RASGEF1B: variants seen among roughly 807,000 people sequenced by gnomAD.
RASGEF1B encodes the protein ras-GEF domain-containing family member 1B.
Under a neutral mutation model 65.7 loss-of-function variants are expected in RASGEF1B, and 30 were observed. That is an observed-to-expected ratio of 0.46 (90% CI 0.34 to 0.62). RASGEF1B has a LOEUF of 0.62. RASGEF1B is among the 20% of genes least tolerant of loss of function. RASGEF1B has a pLI of 0.01. For synonymous variants in RASGEF1B, 175 were observed against 194.8 expected (o/e 0.90, Z 0.85); for missense variants, 495 against 580.1 (o/e 0.85, Z 1.51).
At chr4:81,440,587 A>T (rs1721799280) in intron 10 of RASGEF1B, among the ~76,000 whole-genome samples, 1 of 152,208 alleles carries the variant, frequency 6.6e-6, no homozygotes, top group Non-Finnish European at 1.5e-5. Flanking sequence ...ATTGCTTGAA[A>T]CACAATTAAG....
intron 1 of RASGEF1B, among the ~76,000 whole-genome samples, chr4:81,467,477 C>G (rs117660979): frequency 6.6e-6 from 1 of 152,170 alleles, no homozygotes; most frequent in South Asian, 2.1e-4. Flanking sequence ...TGTGTGGGAA[C>G]TGAACCCAGG....
chr4:81,466,188 T>C (rs1284116298), intron 1 of RASGEF1B, among the ~76,000 whole-genome samples: 1 of 152,192 alleles, frequency 6.6e-6, no homozygotes, highest in Non-Finnish European at 1.5e-5. Context: ...CCCATCTAGA[T>C]GCCAGAGAAA....
intron 13 of RASGEF1B, among the ~76,000 whole-genome samples, chr4:81,430,955 A>G (rs372598051): frequency 6.4e-4 from 97 of 152,324 alleles, no homozygotes; most frequent in South Asian, 4.6e-3. Context: ...ATCTACAAGA[A>G]AAGTAACAAA....
chr4:81,438,550 T>C (rs1163047390), intron 10 of RASGEF1B, among the ~76,000 whole-genome samples: 1 of 152,254 alleles, frequency 6.6e-6, no homozygotes, highest in Non-Finnish European at 1.5e-5. Context: ...TTTTTTTAAA[T>C]GGCTGTGATT....
At position 81,453,065 on chromosome 4, in the gene RASGEF1B, T is replaced by C. The variant is rs1722321265; in HGVS notation, c.438+3586A>G. On this transcript the variant is annotated intron_variant, in intron 4 of 13. Transcript: ENST00000264400. Reference sequence around the variant, plus strand: ...AAATCCCAACCCAGACCCATATTCCTTCCAATAGAGGGAAATAATTTTTCC... The same window carrying C: ...AAATCCCAACCCAGACCCATATTCCCTCCAATAGAGGGAAATAATTTTTCC... The C allele has an allele frequency of 2.0e-5, 3 of 152,046 alleles. No homozygotes were observed. The South Asian group carries it at 6.2e-4, about 32-fold the overall frequency. 9.4% of individuals were successfully genotyped at this position (152,046 alleles called of 1,614,324 possible).
At chr4:81,450,833 A>T (rs1578629388) in intron 4 of RASGEF1B, 2 of 152,344 alleles carry the variant, frequency 1.3e-5, no homozygotes, top group African/African-American at 4.8e-5. Context: ...ACAGCACTCC[A>T]GCCTGGGTAA....
At chr4:81,456,415 G>C in intron 4 of RASGEF1B, 1 of 635,046 alleles carries the variant, frequency 1.6e-6, no homozygotes, top group Admixed American at 2.7e-5. Flanking sequence ...TGCATGAGTT[G>C]ACATGAACAT....
intron 13 of RASGEF1B, among the ~76,000 whole-genome samples, chr4:81,431,686 T>C (rs1721432302): frequency 6.6e-6 from 1 of 152,354 alleles, no homozygotes; most frequent in Non-Finnish European, 1.5e-5. Context: ...AGGACTATAA[T>C]GATAACAAGT....
chr4:81,442,279 A>T lies in RASGEF1B; in HGVS notation c.1008+18T>A. 1 of 1,575,382 alleles carries T rather than the reference A, an allele frequency of 6.3e-7. No individual in the cohort carries two copies. Among genetic ancestry groups the T allele is most frequent in the Non-Finnish European group, 8.7e-7 (1 of 1,144,792 alleles). Reference sequence around the variant, plus strand: ...GGTGTAAAGTGTTACTTAACAGCAAAACATCAGCTTCACATACCTCAAGAA... The same window carrying T: ...GGTGTAAAGTGTTACTTAACAGCAATACATCAGCTTCACATACCTCAAGAA... On this transcript the variant is annotated intron_variant, in intron 9 of 13. Coordinates refer to ENST00000264400, the MANE Select transcript of RASGEF1B (RefSeq NM_152545.3).
Position 81,445,516 on chromosome 4 carries a change from A to G in RASGEF1B, c.928+10T>C. On this transcript the variant is annotated intron_variant, in intron 8 of 13. Transcript: ENST00000264400. ...AGATAAACGACATGTATCCTCCACA[A>G]AATACTCACAGATTATCGCCATCAA... 1 of 1,575,008 alleles carries G rather than the reference A, an allele frequency of 6.3e-7. No individual in the cohort carries two copies. The highest frequency in any genetic ancestry group is 8.7e-7 in the Non-Finnish European group (1 of 1,145,052).
chr4:81,451,740 GTTC>G (rs1437469398), intron 4 of RASGEF1B: 2 of 152,122 alleles, frequency 1.3e-5, no homozygotes, highest in Non-Finnish European at 2.9e-5. Flanking sequence ...GCACAAGAAA[GTTC>G]TTTTCACTTA....
chr4:81,441,956 G>A (rs1304390132), intron 9 of RASGEF1B, among the ~76,000 whole-genome samples: 2 of 152,172 alleles, frequency 1.3e-5, no homozygotes, highest in South Asian at 4.1e-4. Context: ...CCCTTCCCCT[G>A]AGACACTGAA....
chr4:81,459,864 C>T (rs918207955), intron 1 of RASGEF1B, among the ~76,000 whole-genome samples: 2 of 152,154 alleles, frequency 1.3e-5, no homozygotes, highest in East Asian at 1.9e-4. Flanking sequence ...ATTGCTTTAT[C>T]GCATGGAGTC....
chr4:81,436,693 G>A (rs1378868037), intron 10 of RASGEF1B, among the ~76,000 whole-genome samples: 1 of 152,086 alleles, frequency 6.6e-6, no homozygotes, highest in Non-Finnish European at 1.5e-5. Flanking sequence ...AGTTCCCTAA[G>A]CTTATGACTC....
At chr4:81,468,825 A>T (rs1446029625) in intron 1 of RASGEF1B, among the ~76,000 whole-genome samples, 1 of 152,196 alleles carries the variant, frequency 6.6e-6, no homozygotes, top group Non-Finnish European at 1.5e-5. Context: ...CAACAAAATA[A>T]AGCAGTTATG....
chr4:81,431,293 T>C (rs1435491288), intron 13 of RASGEF1B, among the ~76,000 whole-genome samples: 18 of 150,410 alleles, frequency 1.2e-4, no homozygotes, highest in African/African-American at 3.4e-4. Context: ...ATTAGTTCTG[T>C]ACATATATAT....
chr4:81,470,097 G>A (rs1471558391), intron 1 of RASGEF1B, among the ~76,000 whole-genome samples: 1 of 151,966 alleles, frequency 6.6e-6, no homozygotes, highest in African/African-American at 2.4e-5. Flanking sequence ...AGTGCCCTAA[G>A]GTCCTCCTCT....
chr4:81,470,113 T>C (rs1722969983), intron 1 of RASGEF1B, among the ~76,000 whole-genome samples: 1 of 152,172 alleles, frequency 6.6e-6, no homozygotes, highest in Admixed American at 6.5e-5. Context: ...CCTCTCTAGC[T>C]CCACCACTGC....
intron 8 of RASGEF1B, among the ~76,000 whole-genome samples, chr4:81,443,860 A>G (rs955612411): frequency 6.6e-6 from 1 of 152,240 alleles, no homozygotes; most frequent in Non-Finnish European, 1.5e-5. Context: ...ACAGTTTTCC[A>G]AAGTAGTAGT....
Sources: allele counts gnomAD v4.1 joint callset (sites outside exome capture counted in the v4.1 genomes callset), GRCh38; gene constraint gnomAD v4.1.1; transcripts MANE v1.5; gene names NCBI Gene and HGNC (gene_info 2026-07-23, HGNC 2026-07-21).